NHLRC2: variants seen among roughly 807,000 people sequenced by gnomAD.
NHLRC2 encodes the protein NHL repeat-containing protein 2.
Under a neutral mutation model 68.1 loss-of-function variants are expected in NHLRC2, and 33 were observed. The ratio of observed to expected loss-of-function variants is 0.48; its 90% confidence interval spans 0.37 to 0.65. The LOEUF is 0.65. Ranked by LOEUF, NHLRC2 falls within the 30% of genes least tolerant of loss-of-function variation. NHLRC2 has a pLI of 0.00. For synonymous variants in NHLRC2, 311 were observed against 309.6 expected (o/e 1.00, Z -0.05); for missense variants, 761 against 853.8 (o/e 0.89, Z 1.35).
chr10:113,888,728 T>C (rs1388827507), intron 5 of NHLRC2, among the ~76,000 whole-genome samples: 1 of 152,184 alleles, frequency 6.6e-6, no homozygotes, highest in Non-Finnish European at 1.5e-5. Context: ...TACATTGTAA[T>C]GTTTCTAAAA....
intron 4 of NHLRC2, among the ~76,000 whole-genome samples, chr10:113,880,711 G>C (rs767871004): frequency 6.6e-6 from 1 of 151,772 alleles, no homozygotes; most frequent in African/African-American, 2.4e-5. Flanking sequence ...AATATGTTTT[G>C]TCTACTACTG....
chr10:113,887,407 G>T (rs1346897839), intron 5 of NHLRC2, among the ~76,000 whole-genome samples: 10 of 152,176 alleles, frequency 6.6e-5, no homozygotes, highest in Admixed American at 2.0e-4. Context: ...ATTTATTTCA[G>T]CAGTATTCAC....
At chr10:113,896,166 G>A (rs1459304656) in intron 5 of NHLRC2, among the ~76,000 whole-genome samples, 1 of 152,060 alleles carries the variant, frequency 6.6e-6, no homozygotes, top group African/African-American at 2.4e-5. Context: ...CTATTACTGG[G>A]TATATACCCA....
Position 113,902,481 on chromosome 10 carries a change from C to A in NHLRC2, c.1382C>A (p.Ala461Asp). The change falls in exon 8 of 11, where the codon GCT becomes GAT. Residue 461 changes from alanine to aspartate, a missense_variant. Coordinates refer to ENST00000369301, the MANE Select transcript of NHLRC2 (RefSeq NM_198514.4). ...GGERDPMNLF[A>D]FGDVDGVGIN... is the part of the protein sequence containing the mutation. ...TAAAAAAAATTAAAGAATTTATTTG[C>A]TTTTGGTGATGTTGATGGAGTAGGA... 1.3e-6 allele frequency: 2 copies of A among 1,562,106 alleles called. No individual in the cohort carries two copies. Among genetic ancestry groups the A allele is most frequent in the Non-Finnish European group, 8.6e-7 (1 of 1,156,830 alleles).
intron 1 of NHLRC2, among the ~76,000 whole-genome samples, chr10:113,856,126 A>G (rs1845755412): frequency 6.6e-6 from 1 of 152,238 alleles, no homozygotes; most frequent in Non-Finnish European, 1.5e-5. Context: ...CTTTTGGAGC[A>G]TGAAGGAACA....
chr10:113,904,879 GA>G lies in NHLRC2; in HGVS notation c.1768del (p.Thr590HisfsTer17), dbSNP rs1846262219. On this transcript the variant is annotated frameshift_variant, in exon 10 of 11. Coordinates refer to ENST00000369301, the MANE Select transcript of NHLRC2 (RefSeq NM_198514.4). LOFTEE classifies it high-confidence loss of function. The stretch of plus-strand genomic sequence containing the variant: ...GCCCGTTCCTAGTAGAAAAACAGAA[GA>G]CATTACCCAAACTACCTAAATCTGC... ...DGPFLVEKQK[T>X]LPKLPKSAPS... 1 of 1,613,146 alleles carries G rather than the reference GA, an allele frequency of 6.2e-7. No individual in the cohort carries two copies. Among genetic ancestry groups the G allele is most frequent in the East Asian group, 2.2e-5 (1 of 44,832 alleles).
intron 1 of NHLRC2, among the ~76,000 whole-genome samples, chr10:113,858,141 A>C (rs575571338): frequency 3.3e-5 from 4 of 122,494 alleles, no homozygotes; most frequent in African/African-American, 6.3e-5. Context: ...TTCTTGCTTT[A>C]TTTGCAGATG....
chr10:113,860,593 A>T (rs775898389), intron 2 of NHLRC2, among the ~76,000 whole-genome samples: 12 of 152,204 alleles, frequency 7.9e-5, no homozygotes, highest in African/African-American at 2.9e-4. Flanking sequence ...TCTCTAAAAA[A>T]TACCTGATAC....
chr10:113,860,481 C>A lies in NHLRC2; in HGVS notation c.331+1801C>A, dbSNP rs116778490. Among the ~76,000 whole-genome samples, 1,426 of 152,036 alleles carry A rather than the reference C, an allele frequency of 9.4e-3. 27 individuals carry two copies. Among genetic ancestry groups the A allele is most frequent in the African/African-American group, 0.032 (1,344 of 41,470 alleles). ...AGCAAGAATTCACTGTCAGTTTCAA[C>A]AAAGAATCACAAAGCATACACAAAG... is the stretch of plus-strand genomic sequence containing the variant. On this transcript the variant is annotated intron_variant, in intron 2 of 10. Coordinates refer to ENST00000369301, the MANE Select transcript of NHLRC2 (RefSeq NM_198514.4).
rs993401063 is a variant in NHLRC2 at position 113,909,744 on chromosome 10, C to G, written c.*1208C>G. ...CTACTTAAAAGCCTAATCTTGTTTTCCTTAAGACCTATTCAACATGTTTGT... is the reference window on the plus strand; with the variant it reads ...CTACTTAAAAGCCTAATCTTGTTTTGCTTAAGACCTATTCAACATGTTTGT... On this transcript the variant is annotated 3_prime_UTR_variant, in exon 11 of 11. Transcript: ENST00000369301. The G allele has an allele frequency of 6.6e-6, 1 of 151,826 alleles. No individual in the cohort carries two copies. The highest frequency in any genetic ancestry group is 2.4e-5 in the African/African-American group (1 of 41,350). The allele number at this position is 151,826 out of a possible 1,614,324, so 9.4% of individuals were successfully genotyped here.
chr10:113,887,029 C>A (rs1846088741), intron 5 of NHLRC2, among the ~76,000 whole-genome samples: 1 of 152,082 alleles, frequency 6.6e-6, no homozygotes, highest in South Asian at 2.1e-4. Context: ...ATCAAGAAAA[C>A]AACCTAACTA....
intron 4 of NHLRC2, among the ~76,000 whole-genome samples, chr10:113,883,277 T>G (rs1219511387): frequency 1.3e-5 from 2 of 151,912 alleles, no homozygotes; most frequent in Non-Finnish European, 2.9e-5. Flanking sequence ...CTGTTTCCTT[T>G]TATTATATTG....
At chr10:113,859,470 G>A (rs1040026815) in intron 2 of NHLRC2, among the ~76,000 whole-genome samples, 1 of 152,078 alleles carries the variant, frequency 6.6e-6, no homozygotes, top group African/African-American at 2.4e-5. Flanking sequence ...TGAAAGTAAA[G>A]GATATTCTGA....
Position 113,887,509 on chromosome 10 carries a change from C to A in NHLRC2, c.1039+3129C>A, listed in dbSNP as rs879261324. Among the ~76,000 whole-genome samples the A allele has an allele frequency of 4.6e-5, 7 of 152,154 alleles. No individual in the cohort carries two copies. In the South Asian group the frequency reaches 8.3e-4, roughly 18 times the overall value. On this transcript the variant is annotated intron_variant, in intron 5 of 10. Coordinates refer to ENST00000369301, the MANE Select transcript of NHLRC2 (RefSeq NM_198514.4). ...CTAAGGCTGGGCATGGTGGCTCATGCCTGTAATCCCAGCACTTTGGGAGGC... is the reference window on the plus strand; with the variant it reads ...CTAAGGCTGGGCATGGTGGCTCATGACTGTAATCCCAGCACTTTGGGAGGC...
intron 2 of NHLRC2, among the ~76,000 whole-genome samples, 186 bp from the exon 3 acceptor site, chr10:113,876,335 T>C (rs562853721): frequency 2.0e-5 from 3 of 152,262 alleles, no homozygotes; most frequent in South Asian, 2.1e-4. Context: ...AAGATTGTTA[T>C]GAGATTTAAA....
chr10:113,863,261 T>C (rs1192499392), intron 2 of NHLRC2, among the ~76,000 whole-genome samples: 1 of 152,110 alleles, frequency 6.6e-6, no homozygotes, highest in Non-Finnish European at 1.5e-5. Flanking sequence ...AAGATAAATA[T>C]TAAAGTATCT....
intron 2 of NHLRC2, among the ~76,000 whole-genome samples, chr10:113,868,366 C>T (rs75769550): frequency 6.6e-6 from 1 of 152,068 alleles, no homozygotes; most frequent in Non-Finnish European, 1.5e-5. Context: ...TCATAAAGGG[C>T]AGAATCTTTT....
At chr10:113,867,133 T>C (rs1344049291) in intron 2 of NHLRC2, among the ~76,000 whole-genome samples, 6 of 152,230 alleles carry the variant, frequency 3.9e-5, no homozygotes, top group Admixed American at 3.9e-4. Context: ...GTATTGTTTG[T>C]ACAAACATTT....
chr10:113,883,801 C>T (rs1244543967), intron 4 of NHLRC2, among the ~76,000 whole-genome samples: 1 of 151,938 alleles, frequency 6.6e-6, no homozygotes, highest in East Asian at 1.9e-4. Flanking sequence ...CAGTTATGAG[C>T]ATGGCTGGAT....
Sources: allele counts gnomAD v4.1 joint callset (sites outside exome capture counted in the v4.1 genomes callset), GRCh38; gene constraint gnomAD v4.1.1; transcripts MANE v1.5; gene names NCBI Gene and HGNC (gene_info 2026-07-23, HGNC 2026-07-21).